MTMR14: variants seen among roughly 807,000 people sequenced by gnomAD.
MTMR14 encodes the protein myotubularin related protein 14.
Under a neutral mutation model 86.3 loss-of-function variants are expected in MTMR14, and 48 were observed. The ratio of observed to expected loss-of-function variants is 0.56; its 90% CI spans 0.44 to 0.71. MTMR14 has a LOEUF of 0.71. Ranked by LOEUF, MTMR14 falls within the 30% of genes least tolerant of loss-of-function variation. MTMR14 has a pLI of 0.00. For missense variants in MTMR14, 780 were observed against 834.6 expected (o/e 0.93, Z 0.81); for synonymous variants, 366 against 326.1 (o/e 1.12, Z -1.32).
At chr3:9,676,827 C>T (rs1437284570) in intron 7 of MTMR14, among the ~76,000 whole-genome samples, 1 of 152,204 alleles carries the variant, frequency 6.6e-6, no homozygotes, top group African/African-American at 2.4e-5. Flanking sequence ...TAGGCACTGT[C>T]CGTGGGCCTT....
At chr3:9,689,253 T>C (rs938566011) in intron 16 of MTMR14, among the ~76,000 whole-genome samples, 171 bp downstream of exon 16, 1 of 152,210 alleles carries the variant, frequency 6.6e-6, no homozygotes, top group African/African-American at 2.4e-5. Context: ...GCCATCTGGT[T>C]GGTGAAGGGC....
intron 9 of MTMR14, among the ~76,000 whole-genome samples, chr3:9,681,808 G>T (rs1246268890): frequency 1.3e-5 from 2 of 151,974 alleles, no homozygotes; most frequent in Non-Finnish European, 2.9e-5. Context: ...GGACTTTGGA[G>T]TCTGGCAGGG....
intron 2 of MTMR14, among the ~76,000 whole-genome samples, chr3:9,656,369 T>C: frequency 6.6e-6 from 1 of 152,092 alleles, no homozygotes; most frequent in Non-Finnish European, 1.5e-5. Context: ...ATGGCCCTGT[T>C]ATTTATGGTT....
chr3:9,663,225 A>G (rs2048040371), intron 3 of MTMR14, among the ~76,000 whole-genome samples: 1 of 151,976 alleles, frequency 6.6e-6, no homozygotes, highest in African/African-American at 2.4e-5. Context: ...TCATTCCTTT[A>G]GCTGGTATCT....
Position 9,668,590 on chromosome 3 carries a change from AT to A in MTMR14, c.418-128del, listed in dbSNP as rs2048385932. The A allele has an allele frequency of 1.0e-5, 9 of 875,158 alleles. No homozygotes were observed. The East Asian group carries it at 2.3e-4, about 22-fold the overall frequency. The allele number at this position is 875,158 out of a possible 1,614,324, so 54.2% of individuals were successfully genotyped here. On this transcript the variant is annotated intron_variant, in intron 3 of 18. Coordinates refer to ENST00000296003, the MANE Select transcript of MTMR14 (RefSeq NM_001077525.3). Reference sequence around the variant, plus strand: ...ACTGATTGTGGCAGCCTTGATGCTGATAAAACTTTGGGGAGTGCTCCTGGGC... The same window carrying A: ...ACTGATTGTGGCAGCCTTGATGCTGAAAAACTTTGGGGAGTGCTCCTGGGC...
At chr3:9,669,408 C>A (rs750808736) in intron 4 of MTMR14, 24 bp from the exon 5 acceptor site, 24 of 1,613,276 alleles carry the variant, frequency 1.5e-5, no homozygotes, top group Non-Finnish European at 2.0e-5. Flanking sequence ...AGCCTCAGTA[C>A]TGACAGATAG....
In MTMR14 at chr3:9,677,869, C is replaced by A. The variant is rs2075634317; in HGVS notation, c.823-115C>A. 2 of 871,090 alleles carry A rather than the reference C, an allele frequency of 2.3e-6. No individual in the cohort carries two copies. Among genetic ancestry groups the A allele is most frequent in the Admixed American group, 2.2e-5 (1 of 45,520 alleles). 54.0% of individuals were successfully genotyped at this position (871,090 alleles called of 1,614,324 possible). A position where few individuals can be genotyped will look rare whatever the true frequency, so the allele number is the denominator to read the frequency against. On this transcript the variant is annotated intron_variant, in intron 8 of 18. Coordinates refer to ENST00000296003, the MANE Select transcript of MTMR14 (RefSeq NM_001077525.3). This position sits in a 1 kb window ranked among gnomAD's most constrained non-coding sequence, Gnocchi z 4.2. The stretch of plus-strand genomic sequence containing the variant: ...TCCCAGGTAGCACAGGTATCTGGCC[C>A]AGAGAAGGCAAGCACTGCCTGTGGT...
intron 7 of MTMR14, among the ~76,000 whole-genome samples, chr3:9,673,273 T>C (rs888684999): frequency 2.6e-5 from 4 of 152,228 alleles, no homozygotes; most frequent in South Asian, 4.1e-4. Context: ...ACATAATTGC[T>C]ATGTTCCCAG....
chr3:9,679,427 C>G (rs574523565), intron 9 of MTMR14, among the ~76,000 whole-genome samples: 1 of 152,222 alleles, frequency 6.6e-6, no homozygotes, highest in Non-Finnish European at 1.5e-5. Context: ...CCAAGCCACC[C>G]TCTTTCTGGT....
chr3:9,651,632 C>T (rs546457258), intron 1 of MTMR14, among the ~76,000 whole-genome samples: 2 of 152,130 alleles, frequency 1.3e-5, no homozygotes, highest in Non-Finnish European at 2.9e-5. Context: ...ACTGAACAAT[C>T]GATTGAGATA....
chr3:9,668,149 GA>G (rs1347102635), intron 3 of MTMR14, among the ~76,000 whole-genome samples: 1 of 152,194 alleles, frequency 6.6e-6, no homozygotes, highest in Admixed American at 6.5e-5. Flanking sequence ...CAGTGATGAG[GA>G]AAAGAAGCCT....
At chr3:9,663,941 A>G (rs1030187383) in intron 3 of MTMR14, among the ~76,000 whole-genome samples, 3 of 151,736 alleles carry the variant, frequency 2.0e-5, no homozygotes, top group Admixed American at 6.6e-5. Flanking sequence ...GGAGCATGTC[A>G]CCACACCCAG....
chr3:9,697,329 T>A (rs2076310843), intron 17 of MTMR14, among the ~76,000 whole-genome samples: 2 of 152,326 alleles, frequency 1.3e-5, no homozygotes, highest in African/African-American at 4.8e-5. Flanking sequence ...GGCTGGCTGC[T>A]GGGTCACCTT....
chr3:9,684,996 C>A, intron 12 of MTMR14, 32 bp downstream of exon 12: 1 of 1,600,462 alleles, frequency 6.2e-7, no homozygotes, highest in Non-Finnish European at 8.6e-7. Context: ...GTTTTGGGGC[C>A]TTAGTAACAG....
intron 17 of MTMR14, among the ~76,000 whole-genome samples, chr3:9,696,066 A>G (rs1266872315): frequency 6.6e-6 from 1 of 152,236 alleles, no homozygotes; most frequent in Non-Finnish European, 1.5e-5. Context: ...AGAGTTTAGC[A>G]GGAATGATGA....
In MTMR14 at chr3:9,649,790, G is replaced by T. The variant is rs570618789; in HGVS notation, c.159+48G>T. ...CTGGGGAAGGCTCCTAACTTGGGAAGTTACAGAGGAAAGGCTGAGGCCAGG... is the reference window on the plus strand; with the variant it reads ...CTGGGGAAGGCTCCTAACTTGGGAATTTACAGAGGAAAGGCTGAGGCCAGG... On this transcript the variant is annotated intron_variant, in intron 1 of 18. Transcript: ENST00000296003. 1.5e-4 allele frequency: 248 copies of T among 1,608,308 alleles called. No homozygotes were observed. The Middle Eastern group carries it at 3.0e-3, about 19-fold the overall frequency.
chr3:9,684,843 G>T, intron 11 of MTMR14, 45 bp from the exon 12 acceptor site: 1 of 1,602,512 alleles, frequency 6.2e-7, no homozygotes, highest in Non-Finnish European at 8.6e-7. Context: ...TCAGCTCCTG[G>T]GGATGAGAAG....
chr3:9,677,923 C>A lies in MTMR14; in HGVS notation c.823-61C>A. 1 of 1,507,578 alleles carries A rather than the reference C, an allele frequency of 6.6e-7. No homozygotes were observed. The highest frequency in any genetic ancestry group is 9.2e-7 in the Non-Finnish European group (1 of 1,090,246). The allele number at this position is 1,507,578 out of a possible 1,614,324, so 93.4% of individuals were successfully genotyped here. A position where few individuals can be genotyped will look rare whatever the true frequency, so the allele number is the denominator to read the frequency against. On this transcript the variant is annotated intron_variant, in intron 8 of 18. Coordinates refer to ENST00000296003, the MANE Select transcript of MTMR14 (RefSeq NM_001077525.3). This position sits in a 1 kb window ranked among gnomAD's most constrained non-coding sequence, Gnocchi z 4.2. The stretch of plus-strand genomic sequence containing the variant: ...CACAGCCTCAGGACTGCAAGCTTCC[C>A]CATCACCTAAGCCTCCTCTGGTGGC...
chr3:9,653,803 G>A, intron 2 of MTMR14, 34 bp downstream of exon 2: 1 of 1,613,838 alleles, frequency 6.2e-7, no homozygotes, highest in Non-Finnish European at 8.5e-7. Flanking sequence ...TACATGTCTG[G>A]GGAGTCCGTG....
Sources: gnomAD v4.1 joint callset for allele counts (sites outside exome capture counted in the v4.1 genomes callset) on GRCh38, gnomAD v4.1.1 for gene constraint, Gnocchi (gnomAD v3.1) non-coding constraint, MANE v1.5 for transcripts, NCBI Gene and HGNC (gene_info 2026-07-23, HGNC 2026-07-21) for gene names.